CRACR2A: variants seen among roughly 807,000 people sequenced by gnomAD.
CRACR2A encodes EF-hand calcium-binding domain-containing protein 4B.
A neutral mutation model predicts 90.5 loss-of-function variants in CRACR2A; 79 were observed. The ratio of observed to expected loss-of-function variants is 0.87; its 90% confidence interval spans 0.73 to 1.05. CRACR2A has a LOEUF of 1.05. Among genes scored for constraint, CRACR2A ranks in the 50% least tolerant of loss-of-function variants. The pLI is 0.00. For synonymous variants in CRACR2A, 338 were observed against 356.7 expected (o/e 0.95, Z 0.59); for missense variants, 823 against 897.2 (o/e 0.92, Z 1.06).
chr12:3,748,878 G>A (rs1946662437), intron 1 of CRACR2A, among the ~76,000 whole-genome samples: 1 of 152,182 alleles, frequency 6.6e-6, no homozygotes, highest in Non-Finnish European at 1.5e-5. Context: ...TGACCAGTTG[G>A]AGCAGCTGTG....
intron 7 of CRACR2A, among the ~76,000 whole-genome samples, chr12:3,668,566 G>T (rs765964470): frequency 2.0e-5 from 3 of 152,196 alleles, no homozygotes; most frequent in Non-Finnish European, 2.9e-5. Context: ...GGAATATGAG[G>T]CTTTATTTGC....
chr12:3,752,760 C>G (rs895358340), intron 1 of CRACR2A: 5 of 152,350 alleles, frequency 3.3e-5, no homozygotes, highest in African/African-American at 1.2e-4. Flanking sequence ...CCTTTCCTGA[C>G]CAAAACCCTA....
intron 13 of CRACR2A, among the ~76,000 whole-genome samples, chr12:3,641,128 G>C (rs1427886801): frequency 1.3e-5 from 2 of 152,092 alleles, no homozygotes; most frequent in African/African-American, 4.8e-5. Flanking sequence ...GGCAGATCAC[G>C]AGGGCAGGAG....
intron 2 of CRACR2A, among the ~76,000 whole-genome samples, chr12:3,719,441 T>C (rs1946125615): frequency 6.6e-6 from 1 of 152,206 alleles, no homozygotes; most frequent in Non-Finnish European, 1.5e-5. Flanking sequence ...TCCCGGAATG[T>C]AGTCTCAAAG....
intron 1 of CRACR2A, among the ~76,000 whole-genome samples, chr12:3,751,273 C>G (rs535166766): frequency 6.6e-6 from 1 of 152,122 alleles, no homozygotes; most frequent in Non-Finnish European, 1.5e-5. Context: ...TCCCCTACCC[C>G]CAAGCCTTTT....
At chr12:3,644,545 T>G (rs773923575) in intron 12 of CRACR2A, 50 bp downstream of exon 12, 6 of 1,520,772 alleles carry the variant, frequency 3.9e-6, no homozygotes, top group Admixed American at 2.0e-5. Flanking sequence ...GGCTGTCCAG[T>G]GGACCACAGC....
intron 1 of CRACR2A, among the ~76,000 whole-genome samples, chr12:3,750,915 G>A (rs1033986112): frequency 2.8e-4 from 42 of 152,158 alleles, no homozygotes; most frequent in Non-Finnish European, 5.9e-5. Context: ...ACAGCGTGAC[G>A]CATCTCCAAT....
chr12:3,642,811 G>A (rs1029957025), intron 12 of CRACR2A, among the ~76,000 whole-genome samples: 1 of 152,182 alleles, frequency 6.6e-6, no homozygotes, highest in Admixed American at 6.5e-5. Flanking sequence ...ATGTCTTCCA[G>A]GAGATGAGGC....
Position 3,638,332 on chromosome 12 carries a change from G to C in CRACR2A, c.1394C>G (p.Pro465Arg), listed in dbSNP as rs1466944166. The stretch of plus-strand genomic sequence containing the variant: ...GGAGATGATTCTGCGGAGCGGCCGG[G>C]GGTACGGACCCCCAGGCCCTGGCTC... ...TGEPGPGGPY[P>R]RPLRRIISVE... The change falls in exon 14 of 20, where the codon CCC (proline) becomes CGC (arginine). Residue 465 changes from proline (P) to arginine (R), a missense_variant. Coordinates refer to ENST00000440314, the MANE Select transcript of CRACR2A (RefSeq NM_001144958.2). 6.4e-7 allele frequency: 1 copy of C among 1,551,094 alleles called. No individual in the cohort carries two copies. Among genetic ancestry groups the C allele is most frequent in the Non-Finnish European group, 8.7e-7 (1 of 1,146,606 alleles).
chr12:3,713,878 C>T (rs1275137337), intron 2 of CRACR2A, among the ~76,000 whole-genome samples: 1 of 152,180 alleles, frequency 6.6e-6, no homozygotes, highest in East Asian at 1.9e-4. Flanking sequence ...CTTCCTTGCA[C>T]AGGACAGTTT....
intron 1 of CRACR2A, among the ~76,000 whole-genome samples, chr12:3,747,440 C>A (rs183793801): frequency 6.6e-6 from 1 of 152,274 alleles, no homozygotes; most frequent in South Asian, 2.1e-4. Flanking sequence ...GCCTCCCTCC[C>A]GCATCAGCAC....
intron 1 of CRACR2A, among the ~76,000 whole-genome samples, chr12:3,735,953 T>C (rs1215277670): frequency 2.6e-5 from 4 of 152,200 alleles, no homozygotes; most frequent in Admixed American, 6.5e-5. Context: ...CAGAGGACCA[T>C]GAATGCTGCA....
At chr12:3,660,565 CT>C (rs2137504694) in intron 7 of CRACR2A, among the ~76,000 whole-genome samples, 1 of 152,214 alleles carries the variant, frequency 6.6e-6, no homozygotes, top group African/African-American at 2.4e-5. Flanking sequence ...TGCTTCCCCC[CT>C]CTCCCCATGA....
intron 19 of CRACR2A, among the ~76,000 whole-genome samples, chr12:3,615,764 A>C (rs1188368025): frequency 6.6e-6 from 1 of 152,198 alleles, no homozygotes; most frequent in African/African-American, 2.4e-5. Context: ...CCAGTGTCAC[A>C]ATGCGTGACT....
intron 7 of CRACR2A, among the ~76,000 whole-genome samples, chr12:3,666,330 C>CGTGTGTGTGTGTTTGTGTGT (rs1555112056): frequency 2.1e-5 from 3 of 139,582 alleles, no homozygotes; most frequent in Admixed American, 7.1e-5. Flanking sequence ...AGGACGGCTG[C>CGTGTGTGTGTGTTTGTGTGT]GTGTGTGTGT....
At chr12:3,640,889 A>C (rs1944554083) in intron 13 of CRACR2A, 1 of 1,202,282 alleles carries the variant, frequency 8.3e-7, no homozygotes, top group African/African-American at 1.6e-5. Flanking sequence ...TGTGCTGCCC[A>C]AGAGCAACAA....
chr12:3,681,649 T>C (rs1441939431), intron 4 of CRACR2A, among the ~76,000 whole-genome samples: 2 of 152,316 alleles, frequency 1.3e-5, no homozygotes, highest in South Asian at 2.1e-4. Context: ...AAATTGCCAG[T>C]GTGGAAGTGA....
chr12:3,692,337 G>T (rs1945661700), intron 4 of CRACR2A, among the ~76,000 whole-genome samples: 1 of 152,042 alleles, frequency 6.6e-6, no homozygotes, highest in African/African-American at 2.4e-5. Context: ...TCGATGACCT[G>T]GAGGGTTTGA....
At chr12:3,666,356 C>CGTGTGTGT (rs780697994) in intron 7 of CRACR2A, among the ~76,000 whole-genome samples, 6 of 144,706 alleles carry the variant, frequency 4.1e-5, no homozygotes, top group African/African-American at 1.3e-4. Flanking sequence ...TGTGTGTGTG[C>CGTGTGTGT]GTGCGTGTGC....
Sources: gnomAD v4.1 joint callset for allele counts (sites outside exome capture counted in the v4.1 genomes callset) on GRCh38, gnomAD v4.1.1 for gene constraint, MANE v1.5 for transcripts, NCBI Gene and HGNC (gene_info 2026-07-23, HGNC 2026-07-21) for gene names.